IQCN: variants seen among roughly 807,000 people sequenced by gnomAD.
The protein encoded by IQCN is IQ domain-containing protein N.
A neutral mutation model predicts 64.4 loss-of-function variants in IQCN; 46 were observed. That is an observed-to-expected ratio of 0.71 (90% CI 0.56 to 0.91). The LOEUF (loss-of-function observed/expected upper bound fraction) is 0.91, where lower values mean the gene tolerates loss of function less well. Among genes scored for constraint, IQCN ranks in the 40% least tolerant of loss-of-function variants. The probability of loss-of-function intolerance (pLI) is 0.00; values close to 1 mark genes in which losing one functional copy is unlikely to be tolerated. For synonymous variants in IQCN, 733 were observed against 775.6 expected, an observed-to-expected ratio of 0.95 and a Z score of 0.91; for missense variants, 1,753 against 1,857.4, an observed-to-expected ratio of 0.94 and a Z score of 1.03.
At chr19:18,269,318 C>A in intron 2 of IQCN, 148 bp downstream of exon 2, 1 of 745,522 alleles carries the variant, frequency 1.3e-6, no homozygotes, top group African/African-American at 1.8e-5. Context: ...GTGACTGTGG[C>A]TTTCAGAAGT....
chr19:18,267,547 G>A (rs748090575), intron 2 of IQCN, 21 bp from the exon 3 acceptor site: 1 of 1,511,130 alleles, frequency 6.6e-7, no homozygotes, highest in Non-Finnish European at 8.8e-7. Flanking sequence ...GGCAGGGGGT[G>A]GTCAGGGTGT....
intron 2 of IQCN, among the ~76,000 whole-genome samples, chr19:18,268,916 C>A (rs1219142770): frequency 2.1e-5 from 3 of 146,294 alleles, no homozygotes; most frequent in African/African-American, 5.2e-5. Context: ...AAGCCGAGAT[C>A]GCGCCACCTC....
At chr19:18,272,894 G>A (rs920465628) in intron 1 of IQCN, among the ~76,000 whole-genome samples, 2 of 152,032 alleles carry the variant, frequency 1.3e-5, no homozygotes, top group East Asian at 1.9e-4. Context: ...ACAGGCGTGA[G>A]CCACCGCGCC....
intron 3 of IQCN, chr19:18,258,541 G>T: frequency 2.4e-6 from 1 of 413,232 alleles, no homozygotes; most frequent in Non-Finnish European, 4.8e-6. Context: ...TTCTGGAGTG[G>T]ATTGGGGACA....
chr19:18,272,845 C>T (rs1454561669), intron 1 of IQCN, among the ~76,000 whole-genome samples: 13 of 148,630 alleles, frequency 8.7e-5, no homozygotes, highest in African/African-American at 3.2e-4. Flanking sequence ...CTCCTGACCT[C>T]GTGATTCGCC....
Position 18,266,955 on chromosome 19 carries a change from A to C in IQCN, c.585T>G (p.Pro195=), listed in dbSNP as rs1473304444. 2 of 1,612,314 alleles carry C rather than the reference A, an allele frequency of 1.2e-6. No homozygotes were observed. The highest frequency in any genetic ancestry group is 2.7e-5 in the African/African-American group (2 of 74,866). ...PIMVNKETQF[P]SCDNLVLCRP... ...TGCAGAGGACCAGATTGTCACAGGA[A>C]GGGAACTGGGTCTCCTTGTTCACCA... The change falls in exon 3 of 4, where the codon CCT becomes CCG. Residue 195 remains proline, a synonymous_variant. Coordinates refer to ENST00000392413, the MANE Select transcript of IQCN (RefSeq NM_001145304.2). This position sits in a 1 kb window ranked among gnomAD's most constrained non-coding sequence, Gnocchi z 4.3.
intron 1 of IQCN, among the ~76,000 whole-genome samples, chr19:18,274,110 T>A (rs570906292): frequency 6.6e-6 from 1 of 152,006 alleles, no homozygotes; most frequent in South Asian, 2.1e-4. Flanking sequence ...TTTAAAAAAA[T>A]AATAATAAAG....
chr19:18,269,544 CTTCAGCCTT>C lies in IQCN; in HGVS notation c.-75_-67del, dbSNP rs1320996073. 3.8e-6 allele frequency: 6 copies of C among 1,577,336 alleles called. No individual in the cohort carries two copies. The African/African-American group carries it at 5.4e-5, about 14-fold the overall frequency. On this transcript the variant is annotated 5_prime_UTR_variant, in exon 2 of 4. An upstream open reading frame in the 5' UTR loses its in-frame stop. Coordinates refer to ENST00000392413, the MANE Select transcript of IQCN (RefSeq NM_001145304.2). ...AAGCCAGCCTGCAAGAGGAGGCAGC[CTTCAGCCTT>C]TCATCCATGCAATATGCAGCAACAC...
At chr19:18,272,061 A>G (rs1969744551) in intron 1 of IQCN, among the ~76,000 whole-genome samples, 1 of 151,484 alleles carries the variant, frequency 6.6e-6, no homozygotes, top group Non-Finnish European at 1.5e-5. Context: ...TCCTGATCTC[A>G]GGTGATTCGC....
chr19:18,257,724 T>C lies in IQCN; in HGVS notation c.3560A>G (p.His1187Arg). 6.2e-7 allele frequency: 1 copy of C among 1,609,062 alleles called. No individual in the cohort carries two copies. ...RDQARHWQML[H>R]PVTWVELGSR... is the part of the protein sequence containing the mutation. ...GCCCAGCTCCACCCACGTGACGGGG[T>C]GGAGCATCTGCCAGTGCCGGGCTTG... Residue 1187 changes from histidine (H) to arginine (R), a missense_variant, in exon 4 of 4, where the codon CAC becomes CGC. By Grantham distance (29) the His-to-Arg change is conservative. Transcript: ENST00000392413.
rs1254127163 is a variant in IQCN, at chr19:18,268,222, AAAAG to A, written c.14-700_14-697del. 1.1e-4 allele frequency among the ~76,000 whole-genome samples: 12 copies of A among 110,438 alleles called. No individual in the cohort carries two copies. In the South Asian group the frequency reaches 2.4e-3, roughly 22 times the overall value. The allele number at this position is 110,438 out of a possible 152,430, so 72.5% of individuals were successfully genotyped here. A position where few individuals can be genotyped will look rare whatever the true frequency, so the allele number is the denominator to read the frequency against. On this transcript the variant is annotated intron_variant, in intron 2 of 3. Coordinates refer to ENST00000392413, the MANE Select transcript of IQCN (RefSeq NM_001145304.2). ...TGTGTGTGTGTGTGTGTGTGTTTGA[AAAAG>A]AGAGAGAGAGAAGTGTGGTGGGGGA...
Position 18,257,797 on chromosome 19 carries a change from T to C in IQCN, c.3487A>G (p.Thr1163Ala). 6.2e-7 allele frequency: 1 copy of C among 1,611,074 alleles called. No individual in the cohort carries two copies. Residue 1163 changes from threonine to alanine, a missense_variant, in exon 4 of 4, where the codon ACC (threonine) becomes GCC (alanine). Physicochemically the swap from Thr to Ala is moderately conservative, Grantham distance 58 (BLOSUM62 0). Coordinates refer to ENST00000392413, the MANE Select transcript of IQCN (RefSeq NM_001145304.2). ...CGCCAGGCAGACTGGATGGTCGTGG[T>C]GGCTCTGCAGAGGTGTGCCAGGTTC... ...RRNLAHLCRA[T>A]TTIQSAWRGY...
chr19:18,265,464 A>G lies in IQCN; in HGVS notation c.2076T>C (p.Ser692=). The G allele has an allele frequency of 1.2e-6, 2 of 1,613,386 alleles. No homozygotes were observed. The highest frequency in any genetic ancestry group is 1.7e-4 in the Middle Eastern group (1 of 6,054). The change falls in exon 3 of 4, where the codon TCT becomes TCC. Residue 692 remains serine, a synonymous_variant. Transcript: ENST00000392413. The surrounding 1 kb of genome is among the most constrained non-coding windows in gnomAD (Gnocchi z 4.7). The part of the protein sequence containing the change: ...PLAAPLTKAS[S]QGHLPTELTK... ...TCAGCTCAGTGGGCAGATGTCCCTG[A>G]GATGAGGCCTTGGTCAGCGGGGCGG...
At chr19:18,263,561 C>A (rs1039060817) in intron 3 of IQCN, among the ~76,000 whole-genome samples, 1 of 152,176 alleles carries the variant, frequency 6.6e-6, no homozygotes, top group Non-Finnish European at 1.5e-5. Context: ...GAGTTTTGGT[C>A]ACCATGGTGA....
chr19:18,272,995 G>A (rs1365259178), intron 1 of IQCN, among the ~76,000 whole-genome samples: 1 of 152,136 alleles, frequency 6.6e-6, no homozygotes. Context: ...GGAGACAAGA[G>A]GCAATGCATG....
intron 3 of IQCN, chr19:18,260,292 G>A (rs1188941394): frequency 6.6e-6 from 1 of 152,492 alleles, no homozygotes; most frequent in African/African-American, 2.4e-5. Context: ...AGTACCCAGG[G>A]ATGGCTGGTT....
chr19:18,262,649 G>A (rs568774325), intron 3 of IQCN: 2 of 152,416 alleles, frequency 1.3e-5, no homozygotes, highest in East Asian at 3.9e-4. Flanking sequence ...TAGGCACAGA[G>A]GAGTGTGGTA....
chr19:18,274,140 T>G (rs1075403), intron 1 of IQCN, among the ~76,000 whole-genome samples: 98,219 of 151,846 alleles, frequency 0.65, 31,856 homozygotes, highest in East Asian at 0.82. Flanking sequence ...AGGCTCTCCA[T>G]GATGTCCCCC....
chr19:18,257,232 C>A lies in IQCN; in HGVS notation c.4052G>T (p.Gly1351Val). Residue 1351 changes from glycine (G) to valine (V), a missense_variant, in exon 4 of 4, where the codon GGA (glycine) becomes GTA (valine). Physicochemically the swap from Gly to Val is moderately radical, Grantham distance 109 (BLOSUM62 -3). Coordinates refer to ENST00000392413, the MANE Select transcript of IQCN (RefSeq NM_001145304.2). ...TGAGCTGGCCGAGGGGTCTGCTGGT[C>A]CCAAGAGCGCCTCTGTGTTCTTCAG... is the stretch of plus-strand genomic sequence containing the variant. ...SCLKNTEALL[G>V]PADPSASSRH... is the part of the protein sequence containing the mutation. 3 of 1,613,676 alleles carry A rather than the reference C, an allele frequency of 1.9e-6. No individual in the cohort carries two copies. Among genetic ancestry groups the A allele is most frequent in the Non-Finnish European group, 2.5e-6 (3 of 1,180,040 alleles).
Sources: gnomAD v4.1 joint callset for allele counts (sites outside exome capture counted in the v4.1 genomes callset) on GRCh38, gnomAD v4.1.1 for gene constraint, Gnocchi (gnomAD v3.1) non-coding constraint, MANE v1.5 for transcripts, NCBI Gene and HGNC (gene_info 2026-07-23, HGNC 2026-07-21) for gene names.